The following ADAM22 variants were observed in gnomAD, a reference collection of about 807,000 sequenced individuals.
ADAM22 encodes ADAM metallopeptidase domain 22.
Under a neutral mutation model 144.6 loss-of-function variants are expected in ADAM22, and 65 were observed. The observed-to-expected ratio is 0.45, with a 90% CI of 0.37 to 0.55. ADAM22 has a LOEUF of 0.55. Among genes scored for constraint, ADAM22 ranks in the 20% least tolerant of loss-of-function variants. The pLI, the probability that ADAM22 is intolerant of heterozygous loss-of-function variation, is 0.00. For synonymous variants in ADAM22, 391 were observed against 412.6 expected, an observed-to-expected ratio of 0.95 and a Z score of 0.63; for missense variants, 974 against 1,184.9, an observed-to-expected ratio of 0.82 and a Z score of 2.61.
Position 87,935,087 on chromosome 7 carries a change from C to A in ADAM22, c.147C>A (p.Ser49Arg). Residue 49 changes from serine (S) to arginine (R), a missense_variant, in exon 2 of 32, where the codon AGC becomes AGA. By Grantham distance (110) the Ser-to-Arg change is moderately radical. This residue lies in a region of ADAM22 where 240 missense variants were observed against 234.3 expected (regional missense o/e 1.02). Coordinates refer to ENST00000413139, the MANE Select transcript of ADAM22 (RefSeq NM_001324418.2). The part of the protein sequence containing the change: ...RKENRFVERQ[S>R]IVPLRLIYRS... ...AAAACCGCTTCGTGGAGCGCCAGAG[C>A]ATCGTGCCACTGCGCCTCATCTACC... 6.2e-7 allele frequency: 1 copy of A among 1,614,124 alleles called. No homozygotes were observed. The highest frequency in any genetic ancestry group is 8.5e-7 in the Non-Finnish European group (1 of 1,180,028).
chr7:88,116,854 C>A, intron 7 of ADAM22, 40 bp downstream of exon 7: 1 of 1,436,732 alleles, frequency 7.0e-7, no homozygotes, highest in South Asian at 1.2e-5. Context: ...TAAAAGACAA[C>A]TTCAGTAATT....
chr7:88,148,176 A>G (rs549294493), intron 17 of ADAM22, among the ~76,000 whole-genome samples: 73 of 152,336 alleles, frequency 4.8e-4, no homozygotes, highest in African/African-American at 1.7e-3. Context: ...TGAGGGAAGC[A>G]GAATAACATG....
rs1442337334 is a variant in ADAM22 at position 88,199,852 on chromosome 7, G to A, written c.*3361G>A. 1.3e-5 allele frequency: 2 copies of A among 152,128 alleles called. No homozygotes were observed. Among genetic ancestry groups the A allele is most frequent in the Non-Finnish European group, 2.9e-5 (2 of 68,016 alleles). 9.4% of individuals were successfully genotyped at this position (152,128 alleles called of 1,614,324 possible). A position where few individuals can be genotyped will look rare whatever the true frequency, so the allele number is the denominator to read the frequency against. On this transcript the variant is annotated 3_prime_UTR_variant, in exon 32 of 32. Transcript: ENST00000413139. ...TTACTTTAAAAAGAATTTTAAAATTGTGTTTGTATATAAGGTCAGTCTGGC... is the reference window on the plus strand; with the variant it reads ...TTACTTTAAAAAGAATTTTAAAATTATGTTTGTATATAAGGTCAGTCTGGC...
intron 30 of ADAM22, among the ~76,000 whole-genome samples, chr7:88,186,949 G>A (rs1356636635): frequency 1.3e-5 from 2 of 152,124 alleles, no homozygotes; most frequent in Non-Finnish European, 2.9e-5. Context: ...ACCATCTTAA[G>A]CTTTTTAGTA....
At chr7:88,195,172 T>A (rs908808229) in intron 31 of ADAM22, among the ~76,000 whole-genome samples, 2 of 152,200 alleles carry the variant, frequency 1.3e-5, no homozygotes, top group Non-Finnish European at 2.9e-5. Context: ...ACAACCTAAG[T>A]CACTGTGTTC....
At chr7:87,983,271 T>C (rs2129449942) in intron 3 of ADAM22, among the ~76,000 whole-genome samples, 1 of 152,300 alleles carries the variant, frequency 6.6e-6, no homozygotes, top group Non-Finnish European at 1.5e-5. Flanking sequence ...ATAGACATTT[T>C]TACAGTGCTG....
intron 3 of ADAM22, among the ~76,000 whole-genome samples, chr7:87,993,005 T>A (rs1790262532): frequency 1.3e-5 from 2 of 152,130 alleles, no homozygotes; most frequent in South Asian, 4.1e-4. Context: ...AGAACTGAGG[T>A]GAGTTCGCCT....
intron 3 of ADAM22, among the ~76,000 whole-genome samples, chr7:88,032,023 C>T (rs1290097151): frequency 6.6e-6 from 1 of 152,210 alleles, no homozygotes; most frequent in African/African-American, 2.4e-5. Flanking sequence ...GATGTCCAGG[C>T]AGAAGTCTAC....
intron 4 of ADAM22, among the ~76,000 whole-genome samples, chr7:88,099,061 A>G (rs1444280926): frequency 1.3e-5 from 2 of 152,220 alleles, no homozygotes; most frequent in African/African-American, 2.4e-5. Flanking sequence ...CTGTGATAAG[A>G]TGGGCAGTAT....
intron 2 of ADAM22, among the ~76,000 whole-genome samples, chr7:87,954,560 T>C (rs1299820800): frequency 9.9e-4 from 150 of 152,236 alleles, no homozygotes; most frequent in Non-Finnish European, 1.3e-3. Context: ...ACCTTTCTCT[T>C]TTGCTGCCCT....
chr7:88,156,711 C>A (rs1840048611), intron 22 of ADAM22, among the ~76,000 whole-genome samples: 1 of 152,212 alleles, frequency 6.6e-6, no homozygotes, highest in East Asian at 1.9e-4. Flanking sequence ...GGATTTGCCA[C>A]CCTCCCATGG....
intron 3 of ADAM22, among the ~76,000 whole-genome samples, chr7:88,007,511 A>G (rs1326731213): frequency 1.3e-5 from 2 of 152,232 alleles, no homozygotes; most frequent in African/African-American, 2.4e-5. Flanking sequence ...CTACAAGTCT[A>G]CAGTAACCAA....
intron 26 of ADAM22, among the ~76,000 whole-genome samples, chr7:88,172,051 C>T (rs1228134820): frequency 1.3e-5 from 2 of 151,676 alleles, no homozygotes; most frequent in African/African-American, 2.4e-5. Flanking sequence ...TCTAGCATTT[C>T]GTGAGCCTGT....
intron 11 of ADAM22, chr7:88,132,590 A>T: frequency 3.9e-6 from 1 of 253,558 alleles, no homozygotes; most frequent in Non-Finnish European, 7.7e-6. Context: ...CAGAGAAGTG[A>T]TTTTGTGTCT....
intron 3 of ADAM22, among the ~76,000 whole-genome samples, chr7:87,992,875 G>A (rs1480833913): frequency 1.3e-5 from 2 of 151,956 alleles, no homozygotes; most frequent in Non-Finnish European, 2.9e-5. Context: ...GTAGGGAAAC[G>A]GAACCTTTTC....
chr7:88,149,764 G>A (rs1383158278), intron 18 of ADAM22, among the ~76,000 whole-genome samples: 1 of 152,130 alleles, frequency 6.6e-6, no homozygotes. Context: ...TAAATGGATA[G>A]GAAGGTGAAA....
intron 3 of ADAM22, among the ~76,000 whole-genome samples, chr7:87,992,906 G>A (rs746583133): frequency 1.2e-4 from 18 of 152,106 alleles, no homozygotes; most frequent in African/African-American, 3.4e-4. Context: ...CAGAGGTCTC[G>A]TTGGCTAGAA....
At chr7:88,063,788 A>G (rs1810497287) in intron 3 of ADAM22, among the ~76,000 whole-genome samples, 1 of 152,224 alleles carries the variant, frequency 6.6e-6, no homozygotes, top group Non-Finnish European at 1.5e-5. Context: ...TACTAGCCAT[A>G]CTAGGAGACA....
chr7:88,014,000 T>C (rs1199750347), intron 3 of ADAM22, among the ~76,000 whole-genome samples: 2 of 152,324 alleles, frequency 1.3e-5, no homozygotes, highest in East Asian at 1.9e-4. Flanking sequence ...AAATACCTAC[T>C]ACCCTCTCCT....
Sources: allele counts gnomAD v4.1 joint callset (sites outside exome capture counted in the v4.1 genomes callset), GRCh38; gene constraint gnomAD v4.1.1; regional missense constraint gnomAD v4.1.1; transcripts MANE v1.5; gene names NCBI Gene and HGNC (gene_info 2026-07-23, HGNC 2026-07-21).